Variants in RTN4RL2 observed in about 807,000 individuals in gnomAD.
RTN4RL2 encodes the protein reticulon 4 receptor like 2.
RTN4RL2 carries 9 observed loss-of-function variants against 27.8 expected under a neutral mutation model. The observed-to-expected ratio is 0.32, with a 90% CI of 0.20 to 0.57. The LOEUF (loss-of-function observed/expected upper bound fraction) is 0.57, where lower values mean the gene tolerates loss of function less well. RTN4RL2 is among the 20% of genes least tolerant of loss of function. The pLI is 0.90. For synonymous variants in RTN4RL2, 285 were observed against 297.9 expected (o/e 0.96, Z 0.45); for missense variants, 436 against 596.8 (o/e 0.73, Z 2.81).
chr11:57,468,255 C>T (rs189372524), intron 2 of RTN4RL2, among the ~76,000 whole-genome samples, 165 bp downstream of exon 2: 6 of 152,210 alleles, frequency 3.9e-5, no homozygotes, highest in Admixed American at 2.6e-4. Context: ...CTCTTACATT[C>T]TCCAGGGGCT....
intron 1 of RTN4RL2, among the ~76,000 whole-genome samples, chr11:57,464,013 G>A (rs547881195): frequency 1.3e-5 from 2 of 152,358 alleles, no homozygotes; most frequent in Non-Finnish European, 2.9e-5. Context: ...TGCTTTGCAC[G>A]GCAGTGGCAA....
At chr11:57,463,500 C>T (rs1305877594) in intron 1 of RTN4RL2, among the ~76,000 whole-genome samples, 1 of 152,084 alleles carries the variant, frequency 6.6e-6, no homozygotes, top group Non-Finnish European at 1.5e-5. Context: ...GGTCAGGAGG[C>T]CTGGGGTGCT....
At chr11:57,464,518 G>A (rs1208918837) in intron 1 of RTN4RL2, among the ~76,000 whole-genome samples, 4 of 152,168 alleles carry the variant, frequency 2.6e-5, no homozygotes, top group Non-Finnish European at 5.9e-5. Flanking sequence ...AAGTCCTTAG[G>A]GAAGTGGAGA....
chr11:57,469,990 G>A (rs1455326309), intron 2 of RTN4RL2, among the ~76,000 whole-genome samples: 5 of 152,142 alleles, frequency 3.3e-5, no homozygotes, highest in Admixed American at 2.0e-4. Context: ...GACAGTTAGG[G>A]GCACTAGGGA....
intron 1 of RTN4RL2, among the ~76,000 whole-genome samples, chr11:57,466,158 G>C (rs1048878070): frequency 1.3e-4 from 20 of 151,690 alleles, no homozygotes; most frequent in African/African-American, 4.9e-4. Flanking sequence ...CCGCCACCAT[G>C]CCCGGCTAAA....
At chr11:57,468,126 T>A (rs1472543107) in intron 2 of RTN4RL2, 36 bp downstream of exon 2, 13 of 1,548,350 alleles carry the variant, frequency 8.4e-6, no homozygotes, top group Non-Finnish European at 1.0e-5. Flanking sequence ...AGCCCCTTTC[T>A]GGTTTCCTCT....
intron 2 of RTN4RL2, among the ~76,000 whole-genome samples, chr11:57,470,775 G>C (rs570531187): frequency 6.6e-6 from 1 of 152,182 alleles, no homozygotes; most frequent in African/African-American, 2.4e-5. Context: ...TGGAGTCAGA[G>C]GGCCTGAGCT....
At chr11:57,468,182 C>G in intron 2 of RTN4RL2, 92 bp downstream of exon 2, 5 of 1,359,032 alleles carry the variant, frequency 3.7e-6, no homozygotes, top group South Asian at 1.4e-5. Flanking sequence ...CGTCCCTCCT[C>G]TCTCCCCAGG....
intron 1 of RTN4RL2, among the ~76,000 whole-genome samples, chr11:57,465,038 C>T (rs1337415324): frequency 1.3e-5 from 2 of 151,890 alleles, no homozygotes; most frequent in African/African-American, 4.9e-5. Context: ...CCAGCACGCA[C>T]CGACGCAGCA....
intron 1 of RTN4RL2, among the ~76,000 whole-genome samples, chr11:57,463,598 C>T (rs1413194089): frequency 6.6e-6 from 1 of 152,004 alleles, no homozygotes; most frequent in East Asian, 1.9e-4. Context: ...AGGTATCCCC[C>T]TTTCCAGCTC....
Position 57,460,954 on chromosome 11 carries a change from C to A in RTN4RL2, c.31+58C>A. 3.4e-6 allele frequency: 4 copies of A among 1,186,772 alleles called. No homozygotes were observed. In the South Asian group the frequency reaches 6.5e-5, roughly 19 times the overall value. The allele number at this position is 1,186,772 out of a possible 1,614,324, so 73.5% of individuals were successfully genotyped here. ...ATCCTGGGGAGAGAAGCAGGGCGTCCCCTCTTTCAGGGATTGAGGGTGGGG... is the reference window on the plus strand; with the variant it reads ...ATCCTGGGGAGAGAAGCAGGGCGTCACCTCTTTCAGGGATTGAGGGTGGGG... On this transcript the variant is annotated intron_variant, in intron 1 of 2. Coordinates refer to ENST00000335099, the MANE Select transcript of RTN4RL2 (RefSeq NM_178570.3).
chr11:57,474,093 C>G (rs560413698), intron 2 of RTN4RL2, among the ~76,000 whole-genome samples: 1 of 152,168 alleles, frequency 6.6e-6, no homozygotes, highest in Admixed American at 6.5e-5. Context: ...AAGCCTACCC[C>G]CTGGATGGGC....
rs1457809979 is a variant in RTN4RL2 at position 57,460,637 on chromosome 11, G to C, written c.-229G>C. The C allele has an allele frequency of 4.2e-5, 9 of 211,988 alleles. No individual in the cohort carries two copies. Among genetic ancestry groups the C allele is most frequent in the Non-Finnish European group, 8.3e-5 (9 of 108,086 alleles). 13.1% of individuals were successfully genotyped at this position (211,988 alleles called of 1,614,324 possible). A position where few individuals can be genotyped will look rare whatever the true frequency, so the allele number is the denominator to read the frequency against. ...CGCTGGGCGTCGACGGCCAGCCCCA[G>C]CCTTCCCCGCCCCGTCGCGCCCCGC... On this transcript the variant is annotated 5_prime_UTR_variant, in exon 1 of 3. Coordinates refer to ENST00000335099, the MANE Select transcript of RTN4RL2 (RefSeq NM_178570.3).
rs148108471 is a variant in RTN4RL2, at chr11:57,468,313, CCT to C, written c.513+237_513+238del. Among the ~76,000 whole-genome samples, 800 of 150,830 alleles carry C rather than the reference CCT, an allele frequency of 5.3e-3. 20 individuals are homozygous for C. The highest frequency in any genetic ancestry group is 0.031 in the Admixed American group (464 of 15,138). ...CTACCTGTTTAGGTCCCTTGCTGTT[CCT>C]CTCTCTCTCTCTCCCTCTAACTCCA... On this transcript the variant is annotated intron_variant, in intron 2 of 2. Coordinates refer to ENST00000335099, the MANE Select transcript of RTN4RL2 (RefSeq NM_178570.3).
intron 1 of RTN4RL2, among the ~76,000 whole-genome samples, chr11:57,461,746 A>G (rs548593589): frequency 6.6e-6 from 1 of 151,978 alleles, no homozygotes; most frequent in East Asian, 1.9e-4. Context: ...GAAAAGGAGA[A>G]TGGAAAGATC....
intron 1 of RTN4RL2, among the ~76,000 whole-genome samples, chr11:57,464,046 C>T (rs1943504304): frequency 6.6e-6 from 1 of 152,248 alleles, no homozygotes; most frequent in Admixed American, 6.5e-5. Flanking sequence ...GCAACAGAGT[C>T]ACTGTTATGC....
chr11:57,463,215 T>C (rs569031438), intron 1 of RTN4RL2, among the ~76,000 whole-genome samples: 61 of 152,328 alleles, frequency 4.0e-4, no homozygotes, highest in African/African-American at 1.4e-3. Context: ...GGCCACAATA[T>C]TGACCTCCAG....
intron 2 of RTN4RL2, among the ~76,000 whole-genome samples, chr11:57,471,526 T>C (rs1385223391): frequency 6.6e-6 from 1 of 152,212 alleles, no homozygotes; most frequent in Non-Finnish European, 1.5e-5. Flanking sequence ...AACTGCCTGG[T>C]AGGGCTGGGC....
chr11:57,461,085 C>A (rs968885264), intron 1 of RTN4RL2, among the ~76,000 whole-genome samples, 189 bp downstream of exon 1: 8 of 152,186 alleles, frequency 5.3e-5, no homozygotes, highest in African/African-American at 1.7e-4. Flanking sequence ...GCTGGGAGCC[C>A]GCGGGCGCGT....
Sources: allele counts gnomAD v4.1 joint callset (sites outside exome capture counted in the v4.1 genomes callset), GRCh38; gene constraint gnomAD v4.1.1; transcripts MANE v1.5; gene names NCBI Gene and HGNC (gene_info 2026-07-23, HGNC 2026-07-21).